ZNF740: variants seen among roughly 807,000 people sequenced by gnomAD.
The protein encoded by ZNF740 is oriLyt TD-element-binding protein 7.
A neutral mutation model predicts 24.8 loss-of-function variants in ZNF740; 14 were observed. The observed-to-expected ratio is 0.56, with a 90% CI of 0.37 to 0.88. The LOEUF is 0.88. Among genes scored for constraint, ZNF740 ranks in the 40% least tolerant of loss-of-function variants. The probability of loss-of-function intolerance (pLI) is 0.00; values close to 1 mark genes in which losing one functional copy is unlikely to be tolerated. For synonymous variants in ZNF740, 69 were observed against 84.0 expected (o/e 0.82, Z 0.98); for missense variants, 201 against 247.9 (o/e 0.81, Z 1.27).
At chr12:53,186,605 C>A in intron 6 of ZNF740, 96 bp downstream of exon 6, 2 of 935,070 alleles carry the variant, frequency 2.1e-6, no homozygotes, top group Non-Finnish European at 1.6e-6. Flanking sequence ...GAGCCACCAG[C>A]GTTACTCGCC....
At position 53,192,119 on chromosome 12, in the gene ZNF740, T is replaced by C; in HGVS notation, c.*4529T>C. On this transcript the variant is annotated 3_prime_UTR_variant, in exon 7 of 7. Transcript: ENST00000416904. ...CAGCCTGTCCAACCCTGTCTGTCAC[T>C]GAAAGCAAAGGGAACCCAGGGAGGT... 6.9e-7 allele frequency: 1 copy of C among 1,445,840 alleles called. No homozygotes were observed. The highest frequency in any genetic ancestry group is 9.3e-7 in the Non-Finnish European group (1 of 1,072,060). The allele number at this position is 1,445,840 out of a possible 1,614,324, so 89.6% of individuals were successfully genotyped here. A position where few individuals can be genotyped will look rare whatever the true frequency, so the allele number is the denominator to read the frequency against.
At position 53,192,231 on chromosome 12, in the gene ZNF740, C is replaced by T; in HGVS notation, c.*4641C>T. ...TTGTCCTGGATTCACAGTTCTGCTT[C>T]AGCCCCCAGCCTGTTTCCCATTATC... is the stretch of plus-strand genomic sequence containing the variant. On this transcript the variant is annotated 3_prime_UTR_variant, in exon 7 of 7. Coordinates refer to ENST00000416904, the MANE Select transcript of ZNF740 (RefSeq NM_001004304.4). 7.4e-7 allele frequency: 1 copy of T among 1,345,936 alleles called. No homozygotes were observed. The allele number at this position is 1,345,936 out of a possible 1,614,324, so 83.4% of individuals were successfully genotyped here.
Position 53,193,011 on chromosome 12 carries a change from C to A in ZNF740, c.*5421C>A, listed in dbSNP as rs537087322. The A allele has an allele frequency of 1.0e-5, 14 of 1,358,888 alleles. No individual in the cohort carries two copies. In the East Asian group the frequency reaches 2.9e-4, roughly 28 times the overall value. The allele number at this position is 1,358,888 out of a possible 1,614,324, so 84.2% of individuals were successfully genotyped here. A position where few individuals can be genotyped will look rare whatever the true frequency, so the allele number is the denominator to read the frequency against. On this transcript the variant is annotated 3_prime_UTR_variant, in exon 7 of 7. Transcript: ENST00000416904. ...ACGCATCCAATCTTTTTGAAGTATG[C>A]CAACCACACCCTCTAACCCATACAC...
In ZNF740 at chr12:53,192,256, C is replaced by G; in HGVS notation, c.*4666C>G. On this transcript the variant is annotated 3_prime_UTR_variant, in exon 7 of 7. Transcript: ENST00000416904. ...CAGCCCCCAGCCTGTTTCCCATTAT[C>G]TTCACTCTGCATCCCCAGAGTTGAG... 3.4e-6 allele frequency: 5 copies of G among 1,488,722 alleles called. No individual in the cohort carries two copies. The highest frequency in any genetic ancestry group is 4.7e-6 in the Non-Finnish European group (5 of 1,073,392). 92.2% of individuals were successfully genotyped at this position (1,488,722 alleles called of 1,614,324 possible). A position where few individuals can be genotyped will look rare whatever the true frequency, so the allele number is the denominator to read the frequency against.
At position 53,193,779 on chromosome 12, in the gene ZNF740, AT is replaced by A; in HGVS notation, c.*6191del. ...GAGCCTGGGGCTGGGTGTCACTGCA[AT>A]TACAGTCACACAGCGTGTGCAACTC... On this transcript the variant is annotated 3_prime_UTR_variant, in exon 7 of 7. Coordinates refer to ENST00000416904, the MANE Select transcript of ZNF740 (RefSeq NM_001004304.4). 15 of 1,614,072 alleles carry A rather than the reference AT, an allele frequency of 9.3e-6. No individual in the cohort carries two copies. Among genetic ancestry groups the A allele is most frequent in the Non-Finnish European group, 1.3e-5 (15 of 1,179,994 alleles).
chr12:53,187,244 T>G (rs1009113428), intron 6 of ZNF740, among the ~76,000 whole-genome samples: 1 of 152,206 alleles, frequency 6.6e-6, no homozygotes, highest in African/African-American at 2.4e-5. Context: ...GCTTTGCAGT[T>G]TTGCAGATGA....
At position 53,186,064 on chromosome 12, in the gene ZNF740, C is replaced by G; in HGVS notation, c.360C>G (p.Ile120Met). ...GCAGTTACCACCTAAAGAGGCACATCCTTATTCACACTGGTAAGTCTCTTG... is the reference window on the plus strand; with the variant it reads ...GCAGTTACCACCTAAAGAGGCACATGCTTATTCACACTGGTAAGTCTCTTG... ...FRSSYHLKRH[I>M]LIHTGEKPFE... The change falls in exon 5 of 7, where the codon ATC becomes ATG. Residue 120 changes from isoleucine (I) to methionine (M), a missense_variant. Ile to Met is a conservative substitution (Grantham distance 10). Coordinates refer to ENST00000416904, the MANE Select transcript of ZNF740 (RefSeq NM_001004304.4). The G allele has an allele frequency of 6.2e-7, 1 of 1,613,256 alleles. No homozygotes were observed. Among genetic ancestry groups the G allele is most frequent in the South Asian group, 1.1e-5 (1 of 91,060 alleles).
chr12:53,181,471 C>T (rs748424927), intron 1 of ZNF740: 45 of 985,264 alleles, frequency 4.6e-5, no homozygotes, highest in Middle Eastern at 1.0e-3. Flanking sequence ...CCATAGGAGG[C>T]CCCAATTACT....
rs375121603 is a variant in ZNF740, at chr12:53,194,252, C to T, written c.*6662C>T. On this transcript the variant is annotated 3_prime_UTR_variant, in exon 7 of 7. Coordinates refer to ENST00000416904, the MANE Select transcript of ZNF740 (RefSeq NM_001004304.4). ...GTCCTCGATCCTCAGCCTTACCCTC[C>T]CTCTTCTCAGGACCCTCACACTGGG... 1 of 1,614,072 alleles carries T rather than the reference C, an allele frequency of 6.2e-7. No individual in the cohort carries two copies. The highest frequency in any genetic ancestry group is 8.5e-7 in the Non-Finnish European group (1 of 1,180,010).
chr12:53,192,984 C>T lies in ZNF740; in HGVS notation c.*5394C>T. On this transcript the variant is annotated 3_prime_UTR_variant, in exon 7 of 7. Transcript: ENST00000416904. The stretch of plus-strand genomic sequence containing the variant: ...TTGGCCATCATGTGGCACGACAAGC[C>T]CACGCATCCAATCTTTTTGAAGTAT... 1 of 1,469,016 alleles carries T rather than the reference C, an allele frequency of 6.8e-7. No homozygotes were observed. The highest frequency in any genetic ancestry group is 1.2e-5 in the South Asian group (1 of 85,478). 91.0% of individuals were successfully genotyped at this position (1,469,016 alleles called of 1,614,324 possible). A position where few individuals can be genotyped will look rare whatever the true frequency, so the allele number is the denominator to read the frequency against.
At chr12:53,181,201 C>A (rs1452603801) in intron 1 of ZNF740, 1 of 985,312 alleles carries the variant, frequency 1.0e-6, no homozygotes, top group Non-Finnish European at 1.2e-6. Flanking sequence ...TGCCTGTCCT[C>A]CACCTCCGCA....
intron 2 of ZNF740, among the ~76,000 whole-genome samples, chr12:53,182,521 G>A (rs1330319690): frequency 6.6e-6 from 1 of 152,096 alleles, no homozygotes; most frequent in Non-Finnish European, 1.5e-5. Context: ...TGTTGATTGA[G>A]GAATGTGCAA....
In ZNF740 at chr12:53,191,724, C is replaced by G; in HGVS notation, c.*4134C>G. On this transcript the variant is annotated 3_prime_UTR_variant, in exon 7 of 7. Transcript: ENST00000416904. ...CTAAGAGGCCAGCCTTGAGCCGAAT[C>G]CTAGGAGCTGATGGAAGTTAGCAGA... The G allele has an allele frequency of 1.3e-6, 2 of 1,527,064 alleles. No individual in the cohort carries two copies. Among genetic ancestry groups the G allele is most frequent in the Non-Finnish European group, 1.8e-6 (2 of 1,102,126 alleles). The allele number at this position is 1,527,064 out of a possible 1,614,324, so 94.6% of individuals were successfully genotyped here. A position where few individuals can be genotyped will look rare whatever the true frequency, so the allele number is the denominator to read the frequency against.
In ZNF740 at chr12:53,194,391, C is replaced by T. The variant is rs1319777869; in HGVS notation, c.*6801C>T. 6.3e-7 allele frequency: 1 copy of T among 1,595,236 alleles called. No individual in the cohort carries two copies. The highest frequency in any genetic ancestry group is 8.6e-7 in the Non-Finnish European group (1 of 1,166,998). ...ATAACCACGTGAAGGCAGAAAAGGA[C>T]TCCAACCCCACCTTATGTCCTCTCC... On this transcript the variant is annotated 3_prime_UTR_variant, in exon 7 of 7. Coordinates refer to ENST00000416904, the MANE Select transcript of ZNF740 (RefSeq NM_001004304.4).
At chr12:53,186,243 C>A in intron 5 of ZNF740, 148 bp from the exon 6 acceptor site, 2 of 1,121,102 alleles carry the variant, frequency 1.8e-6, no homozygotes, top group Non-Finnish European at 2.5e-6. Context: ...TCTGGTGTCA[C>A]TGAGACCAGC....
rs1216483574 is a variant in ZNF740, at chr12:53,191,811, G to T, written c.*4221G>T. On this transcript the variant is annotated 3_prime_UTR_variant, in exon 7 of 7. Coordinates refer to ENST00000416904, the MANE Select transcript of ZNF740 (RefSeq NM_001004304.4). ...AGTGGGAGGAATCAGGGCTGGTCTTGTGGTGGGGGAACAGCTAAAAAGGGG... is the reference window on the plus strand; with the variant it reads ...AGTGGGAGGAATCAGGGCTGGTCTTTTGGTGGGGGAACAGCTAAAAAGGGG... 12 of 1,609,614 alleles carry T rather than the reference G, an allele frequency of 7.5e-6. No homozygotes were observed. The highest frequency in any genetic ancestry group is 3.3e-5 in the Admixed American group (2 of 59,972).
chr12:53,192,797 T>C lies in ZNF740; in HGVS notation c.*5207T>C, dbSNP rs1555177144. On this transcript the variant is annotated 3_prime_UTR_variant, in exon 7 of 7. Coordinates refer to ENST00000416904, the MANE Select transcript of ZNF740 (RefSeq NM_001004304.4). ...TTGCATTTGCAGCGTCCATGCCCAC[T>C]GCAGAGCCCTCCCTCGGGACTGATG... 1.4e-5 allele frequency: 22 copies of C among 1,614,216 alleles called. No individual in the cohort carries two copies. Among genetic ancestry groups the C allele is most frequent in the Non-Finnish European group, 1.9e-5 (22 of 1,180,042 alleles).
At position 53,180,753 on chromosome 12, in the gene ZNF740, C is replaced by T; in HGVS notation, c.-392C>T. On this transcript the variant is annotated 5_prime_UTR_variant, in exon 1 of 7. Coordinates refer to ENST00000416904, the MANE Select transcript of ZNF740 (RefSeq NM_001004304.4). ...TTGCCTCGGTCCCGGTGGGGGCAGCCGCGGCGGTGGGGTTGGCAGGGTGTG... is the reference window on the plus strand; with the variant it reads ...TTGCCTCGGTCCCGGTGGGGGCAGCTGCGGCGGTGGGGTTGGCAGGGTGTG... 7.9e-7 allele frequency: 1 copy of T among 1,266,154 alleles called. No homozygotes were observed. Among genetic ancestry groups the T allele is most frequent in the Non-Finnish European group, 1.0e-6 (1 of 978,194 alleles). 78.4% of individuals were successfully genotyped at this position (1,266,154 alleles called of 1,614,324 possible).
chr12:53,184,114 GGTGTGTGT>G (rs754768891), intron 2 of ZNF740, among the ~76,000 whole-genome samples: 39 of 123,570 alleles, frequency 3.2e-4, no homozygotes, highest in South Asian at 2.5e-3. Context: ...GAAGCTAAGG[GGTGTGTGT>G]GTGTGTGTGT....
Sources: allele counts gnomAD v4.1 joint callset (sites outside exome capture counted in the v4.1 genomes callset), GRCh38; gene constraint gnomAD v4.1.1; transcripts MANE v1.5; gene names NCBI Gene and HGNC (gene_info 2026-07-23, HGNC 2026-07-21).